The following BTD variants were observed in gnomAD, a reference collection of about 807,000 sequenced individuals.
BTD encodes the protein biotinidase.
Under a neutral mutation model 17.7 loss-of-function variants are expected in BTD, and 13 were observed. The observed-to-expected ratio is 0.74, with a 90% CI of 0.48 to 1.17. The LOEUF (loss-of-function observed/expected upper bound fraction) is 1.17. Among genes scored for constraint, BTD ranks in the 50% most tolerant of loss-of-function variants. The pLI is 0.00. For missense variants in BTD, 674 were observed against 650.4 expected (o/e 1.04, Z -0.39); for synonymous variants, 240 against 245.2 (o/e 0.98, Z 0.20).
intron 1 of BTD, among the ~76,000 whole-genome samples, chr3:15,627,987 G>A (rs2065109163): frequency 6.6e-6 from 1 of 152,226 alleles, no homozygotes; most frequent in Non-Finnish European, 1.5e-5. Context: ...CTCCCAAAGT[G>A]CTGGGATTAC....
chr3:15,694,399 A>G (rs1289029117), intron 3 of BTD, among the ~76,000 whole-genome samples: 1 of 152,178 alleles, frequency 6.6e-6, no homozygotes, highest in Non-Finnish European at 1.5e-5. Context: ...TAGCCAACTT[A>G]TAAGGCATTC....
At chr3:15,714,635 G>C (rs757287127), downstream of BTD, 3 of 1,597,744 alleles carry the variant, frequency 1.9e-6, no homozygotes, top group South Asian at 3.4e-5. Flanking sequence ...GTCATGTGTA[G>C]TGGGGTTTTC....
At chr3:15,674,196 A>AAAAAAAAAAAAAAAAAAAAAAAAAAG (rs1470515364) in intron 3 of BTD, among the ~76,000 whole-genome samples, 1 of 130,082 alleles carries the variant, frequency 7.7e-6, no homozygotes, top group Non-Finnish European at 1.5e-5. Flanking sequence ...AAAAAAAAAA[A>AAAAAAAAAAAAAAAAAAAAAAAAAAG]AAGAAGAAGA....
chr3:15,666,332 A>G (rs982960639), intron 3 of BTD, among the ~76,000 whole-genome samples: 4 of 152,224 alleles, frequency 2.6e-5, no homozygotes, highest in African/African-American at 9.6e-5. Flanking sequence ...GACAATGGAC[A>G]TGACTGCCTG....
rs1286630391 is a variant in BTD, at chr3:15,651,990, A to G, written c.*6502A>G. ...TGGGGTCGTTTTGTGTAACCAATAA[A>G]ATATGGCAGATGCGATGGCATGTTA... On this transcript the variant is annotated 3_prime_UTR_variant, in exon 4 of 4. Transcript: ENST00000643237. Among the ~76,000 whole-genome samples the G allele has an allele frequency of 6.6e-6, 1 of 152,198 alleles. No homozygotes were observed. Among genetic ancestry groups the G allele is most frequent in the Non-Finnish European group, 1.5e-5 (1 of 68,044 alleles).
downstream of BTD, among the ~76,000 whole-genome samples, chr3:15,714,265 A>G (rs2126092964): frequency 6.6e-6 from 1 of 152,300 alleles, no homozygotes; most frequent in East Asian, 1.9e-4. Context: ...TACAGAGTAC[A>G]CACATTAATA....
At chr3:15,602,914 C>T (rs1413462899) in intron 1 of BTD, among the ~76,000 whole-genome samples, 1 of 152,128 alleles carries the variant, frequency 6.6e-6, no homozygotes, top group East Asian at 1.9e-4. Context: ...GTTTAATGGT[C>T]TCACAGTTCC....
chr3:15,623,678 A>G (rs1346798513), intron 1 of BTD, among the ~76,000 whole-genome samples: 1 of 152,224 alleles, frequency 6.6e-6, no homozygotes, highest in East Asian at 1.9e-4. Context: ...TGATTGGATC[A>G]TGTGGATGGT....
chr3:15,694,568 C>T (rs968123395), intron 3 of BTD, among the ~76,000 whole-genome samples: 2 of 151,502 alleles, frequency 1.3e-5, no homozygotes, highest in Non-Finnish European at 2.9e-5. Context: ...AACAAAAACC[C>T]AGCACATTAA....
exon 4 of BTD, among the ~76,000 whole-genome samples, chr3:15,710,238 T>C (rs150366790): frequency 9.8e-5 from 15 of 152,302 alleles, no homozygotes; most frequent in African/African-American, 3.6e-4. Flanking sequence ...ACTATGACTG[T>C]TTACATATAT....
intron 3 of BTD, among the ~76,000 whole-genome samples, chr3:15,683,479 C>T (rs532293505): frequency 2.0e-5 from 3 of 152,108 alleles, no homozygotes; most frequent in Non-Finnish European, 4.4e-5. Context: ...AGAAGTTAAA[C>T]CCCAAAGGTT....
intron 3 of BTD, chr3:15,670,674 T>TAA: frequency 9.6e-7 from 1 of 1,040,636 alleles, no homozygotes; most frequent in Non-Finnish European, 1.4e-6. Flanking sequence ...TAGCTTATAA[T>TAA]AAATTGCTGT....
chr3:15,608,801 G>A (rs978216063), intron 1 of BTD, among the ~76,000 whole-genome samples: 9 of 151,298 alleles, frequency 5.9e-5, no homozygotes, highest in Admixed American at 1.3e-4. Flanking sequence ...GTATTTCTCC[G>A]TATGATGGAA....
At chr3:15,672,663 A>G (rs1485576115) in intron 3 of BTD, among the ~76,000 whole-genome samples, 2 of 152,220 alleles carry the variant, frequency 1.3e-5, no homozygotes, top group Non-Finnish European at 2.9e-5. Flanking sequence ...GGCAGGCAGA[A>G]CAACCCATTA....
chr3:15,670,917 AC>A (rs751080226), intron 3 of BTD, among the ~76,000 whole-genome samples: 17 of 152,204 alleles, frequency 1.1e-4, no homozygotes, highest in Non-Finnish European at 2.4e-4. Flanking sequence ...GCAGAGATTT[AC>A]TGTTAATTTG....
At chr3:15,690,108 T>C in intron 3 of BTD, 9 of 1,612,248 alleles carry the variant, frequency 5.6e-6, no homozygotes, top group Non-Finnish European at 7.6e-6. Context: ...ACATTCAACA[T>C]GGCCCTTAAA....
chr3:15,696,591 T>C (rs1454346368), intron 3 of BTD, among the ~76,000 whole-genome samples: 1 of 152,000 alleles, frequency 6.6e-6, no homozygotes, highest in African/African-American at 2.4e-5. Flanking sequence ...TTCGTGGTGG[T>C]GAGTACATAA....
intron 3 of BTD, chr3:15,678,101 T>C (rs1284426388): frequency 2.2e-5 from 25 of 1,138,922 alleles, no homozygotes; most frequent in Non-Finnish European, 1.2e-6. Flanking sequence ...AGGTTTTAAG[T>C]CTTAGGAGTG....
intron 3 of BTD, among the ~76,000 whole-genome samples, chr3:15,660,067 G>A (rs1257885862): frequency 2.6e-5 from 4 of 152,218 alleles, no homozygotes; most frequent in Admixed American, 1.3e-4. Context: ...TAGGTGTCAG[G>A]CACTTCCCAT....
Sources: allele counts gnomAD v4.1 joint callset (sites outside exome capture counted in the v4.1 genomes callset), GRCh38; gene constraint gnomAD v4.1.1; transcripts MANE v1.5; gene names NCBI Gene and HGNC (gene_info 2026-07-23, HGNC 2026-07-21).